ARL6IP5: variants seen among roughly 807,000 people sequenced by gnomAD.
ARL6IP5 encodes the protein ARF like GTPase 6 interacting protein 5, also known as PRA1 family protein 3.
A neutral mutation model predicts 13.0 loss-of-function variants in ARL6IP5; 6 were observed. The ratio of observed to expected loss-of-function variants is 0.46; its 90% confidence interval spans 0.25 to 0.91. The LOEUF (loss-of-function observed/expected upper bound fraction) is 0.91. ARL6IP5 is among the 40% of genes least tolerant of loss of function. The probability of loss-of-function intolerance (pLI) is 0.17; values close to 1 mark genes in which losing one functional copy is unlikely to be tolerated. For missense variants in ARL6IP5, 208 were observed against 248.8 expected (o/e 0.84, Z 1.10); for synonymous variants, 91 against 91.9 (o/e 0.99, Z 0.06).
chr3:69,101,126 G>A (rs6549184), intron 1 of ARL6IP5, among the ~76,000 whole-genome samples: 18,590 of 151,804 alleles, frequency 0.12, 2,045 homozygotes, highest in East Asian at 0.36. Context: ...TTCTACATTC[G>A]TCCATCATGA....
chr3:69,085,263 G>T, intron 1 of ARL6IP5, 40 bp downstream of exon 1: 1 of 1,584,636 alleles, frequency 6.3e-7, no homozygotes, highest in South Asian at 1.1e-5. Flanking sequence ...GATCCGGGGC[G>T]AGCACGGAGG....
chr3:69,097,739 CAAGAGGGAGGGG>C (rs2092291432), intron 1 of ARL6IP5, among the ~76,000 whole-genome samples: 1 of 151,990 alleles, frequency 6.6e-6, no homozygotes, highest in Admixed American at 6.6e-5. Flanking sequence ...AACACAGAAC[CAAGAGGGAGGGG>C]AAGAGGGCAG....
intron 1 of ARL6IP5, among the ~76,000 whole-genome samples, chr3:69,089,236 C>T (rs1167415511): frequency 6.6e-6 from 1 of 152,114 alleles, no homozygotes; most frequent in Non-Finnish European, 1.5e-5. Flanking sequence ...TGGCAGGGTC[C>T]AGGCATCTGT....
intron 1 of ARL6IP5, among the ~76,000 whole-genome samples, chr3:69,086,945 G>A (rs906853586): frequency 2.6e-5 from 4 of 151,972 alleles, no homozygotes; most frequent in South Asian, 2.1e-4. Flanking sequence ...TGATCTGCCC[G>A]CCTCAGCCTC....
intron 1 of ARL6IP5, chr3:69,100,163 G>A (rs1188172207): frequency 2.0e-5 from 3 of 152,170 alleles, no homozygotes; most frequent in African/African-American, 7.2e-5. Flanking sequence ...TTGACCTCAG[G>A]TGATCCACCC....
At chr3:69,092,818 C>G (rs62255468) in intron 1 of ARL6IP5, among the ~76,000 whole-genome samples, 1 of 144,876 alleles carries the variant, frequency 6.9e-6, no homozygotes, top group Non-Finnish European at 1.5e-5. Context: ...CTGTACCCAG[C>G]CTTTTTTTTT....
At chr3:69,085,446 G>C (rs1235361466) in intron 1 of ARL6IP5, among the ~76,000 whole-genome samples, 1 of 152,208 alleles carries the variant, frequency 6.6e-6, no homozygotes, top group African/African-American at 2.4e-5. Context: ...GGGGGCCCTA[G>C]GGGAAAGAGG....
intron 1 of ARL6IP5, among the ~76,000 whole-genome samples, chr3:69,093,397 C>G (rs1369231642): frequency 6.6e-6 from 1 of 152,126 alleles, no homozygotes; most frequent in Non-Finnish European, 1.5e-5. Context: ...TCAGTTTTAC[C>G]TACTGTACAG....
intron 1 of ARL6IP5, among the ~76,000 whole-genome samples, chr3:69,099,373 AAAAC>A (rs2092298842): frequency 6.6e-6 from 1 of 152,202 alleles, no homozygotes; most frequent in Non-Finnish European, 1.5e-5. Flanking sequence ...CCATCTCAAA[AAAAC>A]AAACAAAAAA....
chr3:69,092,215 G>A (rs1282739743), intron 1 of ARL6IP5, among the ~76,000 whole-genome samples: 1 of 152,086 alleles, frequency 6.6e-6, no homozygotes, highest in Non-Finnish European at 1.5e-5. Flanking sequence ...CTTCCTTCTC[G>A]TTATGCAATT....
chr3:69,104,981 T>TTG lies in ARL6IP5; in HGVS notation c.*345_*346insTG. ...CGATTATCTTATAGGAAAAAAAAAA[T>TTG]CATTGTAAAGTATCAAGACAATACG... On this transcript the variant is annotated 3_prime_UTR_variant, in exon 3 of 3. Coordinates refer to ENST00000273258, the MANE Select transcript of ARL6IP5 (RefSeq NM_006407.4). The TTG allele has an allele frequency of 1.5e-6, 1 of 665,244 alleles. No homozygotes were observed. Among genetic ancestry groups the TTG allele is most frequent in the Non-Finnish European group, 2.7e-6 (1 of 372,338 alleles). 41.2% of individuals were successfully genotyped at this position (665,244 alleles called of 1,614,324 possible). A position where few individuals can be genotyped will look rare whatever the true frequency, so the allele number is the denominator to read the frequency against.
In ARL6IP5 at chr3:69,085,080, G is replaced by C. The variant is rs1298173891; in HGVS notation, c.33G>C (p.Trp11Cys). 6.2e-6 allele frequency: 10 copies of C among 1,614,060 alleles called. No individual in the cohort carries two copies. Among genetic ancestry groups the C allele is most frequent in the Non-Finnish European group, 7.6e-6 (9 of 1,180,034 alleles). ...TTAATATCGCCCCACTCCGCGCCTG[G>C]GACGATTTCTTCCCGGGTTCCGATC... MDVNIAPLRA[W>C]DDFFPGSDRF... Residue 11 changes from tryptophan to cysteine, a missense_variant, in exon 1 of 3, where the codon TGG becomes TGC. Transcript: ENST00000273258.
In ARL6IP5 at chr3:69,104,606, C is replaced by A. The variant is rs79786845; in HGVS notation, c.537C>A (p.Leu179=). Residue 179 remains leucine, a synonymous_variant, in exon 3 of 3, where the codon CTC becomes CTA. Transcript: ENST00000273258. ...AGCAGGAAGAAGGCATCAACAGACTCACTGACTATATCAGCAAAGTGAAGG... is the reference window on the plus strand; with the variant it reads ...AGCAGGAAGAAGGCATCAACAGACTAACTGACTATATCAGCAAAGTGAAGG... ...LEQQEEGINR[L]TDYISKVKE is the part of the protein sequence containing the mutation. 1.1e-3 allele frequency: 1,753 copies of A among 1,613,934 alleles called. 11 individuals carry two copies. The African/African-American group carries it at 0.021, about 19-fold the overall frequency.
At chr3:69,103,648 G>C (rs1237347199) in intron 2 of ARL6IP5, among the ~76,000 whole-genome samples, 2 of 152,086 alleles carry the variant, frequency 1.3e-5, no homozygotes, top group Non-Finnish European at 2.9e-5. Flanking sequence ...GAATCATCTG[G>C]AGTGATTATT....
chr3:69,101,245 T>C (rs780753221), intron 1 of ARL6IP5, among the ~76,000 whole-genome samples: 2 of 151,610 alleles, frequency 1.3e-5, no homozygotes, highest in Admixed American at 6.6e-5. Flanking sequence ...AAAGAAGTTT[T>C]AGTCTTCAAA....
intron 1 of ARL6IP5, among the ~76,000 whole-genome samples, chr3:69,091,870 G>A (rs1447598935): frequency 6.6e-6 from 1 of 151,984 alleles, no homozygotes; most frequent in African/African-American, 2.4e-5. Context: ...GTTCAAAAAG[G>A]TCAAGACCCA....
rs115181949 is a variant in ARL6IP5 at position 69,104,917 on chromosome 3, A to T, written c.*281A>T. 158 of 690,416 alleles carry T rather than the reference A, an allele frequency of 2.3e-4. 2 individuals carry two copies. The African/African-American group carries it at 2.3e-3, about 10-fold the overall frequency. 42.8% of individuals were successfully genotyped at this position (690,416 alleles called of 1,614,324 possible). ...ATCACACGATTTCTTTAAGGGAATT[A>T]AAAAAAATAAAAGAATTACGGCTTT... On this transcript the variant is annotated 3_prime_UTR_variant, in exon 3 of 3. Coordinates refer to ENST00000273258, the MANE Select transcript of ARL6IP5 (RefSeq NM_006407.4).
intron 1 of ARL6IP5, among the ~76,000 whole-genome samples, chr3:69,091,148 A>G (rs1457993382): frequency 1.3e-5 from 2 of 152,196 alleles, no homozygotes; most frequent in Non-Finnish European, 2.9e-5. Flanking sequence ...CAATGAGCCA[A>G]GAACGCACGC....
At chr3:69,095,082 G>A (rs958401535) in intron 1 of ARL6IP5, among the ~76,000 whole-genome samples, 6 of 152,144 alleles carry the variant, frequency 3.9e-5, no homozygotes, top group Admixed American at 6.5e-5. Flanking sequence ...CCTTAAAGCC[G>A]GTTAACATGA....
Sources: gnomAD v4.1 joint callset for allele counts (sites outside exome capture counted in the v4.1 genomes callset) on GRCh38, gnomAD v4.1.1 for gene constraint, MANE v1.5 for transcripts, NCBI Gene and HGNC (gene_info 2026-07-23, HGNC 2026-07-21) for gene names.